DLGAP2: variants seen among roughly 807,000 people sequenced by gnomAD.
The protein encoded by DLGAP2 is disks large-associated protein 2.
A neutral mutation model predicts 100.3 loss-of-function variants in DLGAP2; 26 were observed. The ratio of observed to expected loss-of-function variants is 0.26; its 90% confidence interval spans 0.19 to 0.36. The LOEUF is 0.36. Ranked by LOEUF, DLGAP2 falls within the 10% of genes least tolerant of loss-of-function variation. DLGAP2 has a pLI of 1.00. For synonymous variants in DLGAP2, 886 were observed against 630.1 expected, an observed-to-expected ratio of 1.41 and a Z score of -6.08; for missense variants, 1,858 against 1,453.2, an observed-to-expected ratio of 1.28 and a Z score of -4.53.
intron 2 of DLGAP2, among the ~76,000 whole-genome samples, chr8:1,000,021 C>T (rs998519548): frequency 2.9e-5 from 4 of 139,796 alleles, no homozygotes; most frequent in Non-Finnish European, 6.2e-5. Context: ...CAGACAGATC[C>T]GGGTGGAGGT....
intron 8 of DLGAP2, among the ~76,000 whole-genome samples, chr8:1,642,682 C>A (rs546672370): frequency 2.1e-3 from 3 of 1,398 alleles, no homozygotes; most frequent in African/African-American, 0.012. Context: ...TCACCCTCGA[C>A]CCCGCCGGCC....
At chr8:985,666 A>G (rs1187431089) in intron 2 of DLGAP2, among the ~76,000 whole-genome samples, 1 of 152,226 alleles carries the variant, frequency 6.6e-6, no homozygotes, top group African/African-American at 2.4e-5. Flanking sequence ...CTGAGAGCAG[A>G]ACATCTGGTA....
At chr8:1,050,390 A>G (rs1385678952) in intron 2 of DLGAP2, among the ~76,000 whole-genome samples, 1 of 152,230 alleles carries the variant, frequency 6.6e-6, no homozygotes, top group Non-Finnish European at 1.5e-5. Flanking sequence ...AGTATAAAAC[A>G]GGCCTTGTGC....
At chr8:1,657,517 A>G (rs1475037908) in intron 8 of DLGAP2, among the ~76,000 whole-genome samples, 2 of 152,248 alleles carry the variant, frequency 1.3e-5, no homozygotes, top group Admixed American at 6.5e-5. Flanking sequence ...GCAGCAAATT[A>G]ATGTGGTCAA....
chr8:1,506,307 T>C (rs1799911311), intron 4 of DLGAP2, among the ~76,000 whole-genome samples: 1 of 152,198 alleles, frequency 6.6e-6, no homozygotes, highest in Non-Finnish European at 1.5e-5. Context: ...TCAGGGAAAT[T>C]TATAGAAATA....
chr8:792,163 A>G (rs1041923461), intron 1 of DLGAP2, among the ~76,000 whole-genome samples: 1 of 152,238 alleles, frequency 6.6e-6, no homozygotes, highest in Admixed American at 6.5e-5. Flanking sequence ...ACAAGCTGAC[A>G]TAATTTTATT....
chr8:1,527,665 A>G (rs1800838909), intron 4 of DLGAP2, among the ~76,000 whole-genome samples: 1 of 152,202 alleles, frequency 6.6e-6, no homozygotes, highest in South Asian at 2.1e-4. Flanking sequence ...ACGGAACGGA[A>G]ATATTCAGAA....
At chr8:1,634,946 T>C (rs918286640) in intron 8 of DLGAP2, among the ~76,000 whole-genome samples, 1 of 152,234 alleles carries the variant, frequency 6.6e-6, no homozygotes, top group African/African-American at 2.4e-5. Flanking sequence ...TCAGAGTTTC[T>C]ACCGGATCTT....
chr8:1,383,058 G>A (rs890338671), intron 3 of DLGAP2, among the ~76,000 whole-genome samples: 9 of 152,202 alleles, frequency 5.9e-5, no homozygotes, highest in South Asian at 4.1e-4. Flanking sequence ...ATCTTTGGAC[G>A]TAAGTATTCT....
chr8:1,031,950 G>T (rs7844604), intron 2 of DLGAP2, among the ~76,000 whole-genome samples: 3,377 of 152,322 alleles, frequency 0.022, 118 homozygotes, highest in African/African-American at 0.078. Context: ...TCTGTCTGGG[G>T]ATGTAGGGTT....
At chr8:1,439,737 G>C (rs978342282) in intron 3 of DLGAP2, among the ~76,000 whole-genome samples, 3 of 152,076 alleles carry the variant, frequency 2.0e-5, no homozygotes, top group African/African-American at 4.8e-5. Context: ...CTTTGGATGA[G>C]CCACATGTGC....
chr8:1,196,482 T>C (rs1353358914), intron 2 of DLGAP2, among the ~76,000 whole-genome samples: 1 of 152,180 alleles, frequency 6.6e-6, no homozygotes, highest in African/African-American at 2.4e-5. Flanking sequence ...ATTCGTGCTT[T>C]CCTCACGTTT....
At chr8:1,047,751 A>G (rs1304314934) in intron 2 of DLGAP2, among the ~76,000 whole-genome samples, 1 of 151,822 alleles carries the variant, frequency 6.6e-6, no homozygotes, top group Non-Finnish European at 1.5e-5. Flanking sequence ...TTCATGAGGG[A>G]TCAGCCTTCA....
At chr8:1,068,413 C>G (rs148096044) in intron 2 of DLGAP2, among the ~76,000 whole-genome samples, 4 of 152,342 alleles carry the variant, frequency 2.6e-5, no homozygotes, top group Non-Finnish European at 4.4e-5. Context: ...GTTCACCCCC[C>G]ACAGTGGATA....
At chr8:1,345,464 ACTCT>A (rs1009224733) in intron 3 of DLGAP2, among the ~76,000 whole-genome samples, 1 of 152,006 alleles carries the variant, frequency 6.6e-6, no homozygotes, top group African/African-American at 2.4e-5. Flanking sequence ...AAATGATTTC[ACTCT>A]CTCTCCCTTT....
chr8:1,374,069 C>A (rs75161437), intron 3 of DLGAP2, among the ~76,000 whole-genome samples: 86 of 136,546 alleles, frequency 6.3e-4, no homozygotes, highest in South Asian at 2.4e-3. Flanking sequence ...GGTTTGCAGA[C>A]GGCTGTGTGG....
intron 3 of DLGAP2, among the ~76,000 whole-genome samples, chr8:1,322,223 C>G (rs1563082257): frequency 6.6e-6 from 1 of 152,254 alleles, no homozygotes; most frequent in East Asian, 1.9e-4. Context: ...AGATGTACAT[C>G]ATTTAATAGA....
intron 1 of DLGAP2, among the ~76,000 whole-genome samples, chr8:863,255 G>A (rs113650278): frequency 2.0e-5 from 3 of 152,202 alleles, no homozygotes; most frequent in South Asian, 4.1e-4. Context: ...CTGCACCAGG[G>A]TTATTTAAGG....
At chr8:1,334,292 C>A (rs544456840) in intron 3 of DLGAP2, among the ~76,000 whole-genome samples, 1 of 152,230 alleles carries the variant, frequency 6.6e-6, no homozygotes, top group East Asian at 1.9e-4. Flanking sequence ...CCATGCAGCC[C>A]TGGCAGCTCC....
Sources: gnomAD v4.1 joint callset for allele counts (sites outside exome capture counted in the v4.1 genomes callset) on GRCh38, gnomAD v4.1.1 for gene constraint, MANE v1.5 for transcripts, NCBI Gene and HGNC (gene_info 2026-07-23, HGNC 2026-07-21) for gene names.